Variants in NLRP9 observed in about 807,000 individuals in gnomAD.
NLRP9 encodes NACHT, LRR and PYD domains-containing protein 9.
A neutral mutation model predicts 83.1 loss-of-function variants in NLRP9; 88 were observed. The observed-to-expected ratio is 1.06, with a 90% CI of 0.89 to 1.26. NLRP9 has a LOEUF of 1.26. NLRP9 is among the 50% of genes most tolerant of loss of function. NLRP9 has a pLI of 0.00. For synonymous variants in NLRP9, 521 were observed against 447.6 expected (o/e 1.16, Z -2.07); for missense variants, 1,308 against 1,179.3 (o/e 1.11, Z -1.60).
intron 4 of NLRP9, among the ~76,000 whole-genome samples, chr19:55,720,326 C>T (rs1254060502): frequency 2.0e-5 from 3 of 152,028 alleles, no homozygotes; most frequent in Non-Finnish European, 4.4e-5. Context: ...GGCTTGGAAA[C>T]AATTATTTTC....
chr19:55,729,352 A>T lies in NLRP9; in HGVS notation c.1994+479T>A, dbSNP rs142346779. ...CTGCACCCATTAACTCGTCATTTAC[A>T]TTAGGTATATCTCCTAATGCTATCC... On this transcript the variant is annotated intron_variant, in intron 3 of 8. Coordinates refer to ENST00000332836, the MANE Select transcript of NLRP9 (RefSeq NM_176820.4). Among the ~76,000 whole-genome samples, 1,379 of 151,842 alleles carry T rather than the reference A, an allele frequency of 9.1e-3. 19 individuals carry two copies. The highest frequency in any genetic ancestry group is 0.031 in the African/African-American group (1,297 of 41,374).
At chr19:55,728,660 A>G (rs1988471987) in intron 3 of NLRP9, among the ~76,000 whole-genome samples, 1 of 152,248 alleles carries the variant, frequency 6.6e-6, no homozygotes, top group South Asian at 2.1e-4. Flanking sequence ...TTCTCGAGAC[A>G]GCAGTCTTAA....
intron 6 of NLRP9, among the ~76,000 whole-genome samples, chr19:55,712,798 G>A (rs569875947): frequency 7.5e-5 from 5 of 66,458 alleles, no homozygotes; most frequent in Admixed American, 3.6e-4. Context: ...GAGGGAAGAA[G>A]GGGAGAAAGA....
In NLRP9 at chr19:55,711,800, C is replaced by T. The variant is rs146135359; in HGVS notation, c.2843G>A (p.Gly948Glu). 4.3e-6 allele frequency: 7 copies of T among 1,612,796 alleles called. No homozygotes were observed. The African/African-American group carries it at 5.3e-5, about 12-fold the overall frequency. ...SHPDCALQML[G>E]LHKSGFDEET... is the part of the protein sequence containing the mutation. ...CCCAAAGGAAACAGTGTCCACTCAC[C>T]CCAGCATCTGCAGGGCACAGTCCGG... Residue 948 changes from glycine (G) to glutamate (E), a missense_variant and splice_region_variant, in exon 8 of 9, where the codon GGG becomes GAG. Gly to Glu is a moderately conservative substitution (Grantham distance 98). Transcript: ENST00000332836.
At chr19:55,736,291 T>C (rs1195123570) in intron 1 of NLRP9, among the ~76,000 whole-genome samples, 2 of 151,950 alleles carry the variant, frequency 1.3e-5, no homozygotes, top group Non-Finnish European at 2.9e-5. Flanking sequence ...CCTGGGAGGC[T>C]GAGGCAGGAG....
chr19:55,722,846 A>C (rs1988271702), intron 4 of NLRP9, among the ~76,000 whole-genome samples: 1 of 152,182 alleles, frequency 6.6e-6, no homozygotes, highest in Non-Finnish European at 1.5e-5. Flanking sequence ...TGTTCTTTGC[A>C]GGGACATGGA....
chr19:55,716,835 G>A lies in NLRP9; in HGVS notation c.2223C>T (p.Asn741=). The change falls in exon 5 of 9, where the codon AAC becomes AAT. Residue 741 remains asparagine (N), a synonymous_variant. Transcript: ENST00000332836. Reference sequence around the variant, plus strand: ...CCAAGGAGAGGTGTTTCAGCTTGCTGTTGCAGGCCAGGACGGAGGCGATGT... The same window carrying A: ...CCAAGGAGAGGTGTTTCAGCTTGCTATTGCAGGCCAGGACGGAGGCGATGT... ...CEDIASVLAC[N]SKLKHLSLVE... is the part of the protein sequence containing the mutation. The A allele has an allele frequency of 6.2e-7, 1 of 1,613,860 alleles. No individual in the cohort carries two copies. The highest frequency in any genetic ancestry group is 8.5e-7 in the Non-Finnish European group (1 of 1,179,888).
intron 4 of NLRP9, among the ~76,000 whole-genome samples, chr19:55,717,678 G>T (rs1988074281): frequency 6.6e-6 from 1 of 152,184 alleles, no homozygotes; most frequent in South Asian, 2.1e-4. Flanking sequence ...ACACGCTTCT[G>T]TGGCCGGAGA....
At chr19:55,722,752 G>A (rs111436183) in intron 4 of NLRP9, among the ~76,000 whole-genome samples, 3,199 of 152,192 alleles carry the variant, frequency 0.021, 44 homozygotes, top group Non-Finnish European at 0.032. Flanking sequence ...CAACCCAAAC[G>A]CCCATCAATG....
At chr19:55,728,513 G>T (rs530670233) in intron 3 of NLRP9, among the ~76,000 whole-genome samples, 1 of 151,820 alleles carries the variant, frequency 6.6e-6, no homozygotes, top group African/African-American at 2.4e-5. Flanking sequence ...TGGAGGTTGC[G>T]GTGAGCCGAG....
intron 7 of NLRP9, 150 bp from the exon 8 acceptor site, chr19:55,712,120 G>T (rs59900917): frequency 0.12 from 94,423 of 784,472 alleles, 6,577 homozygotes; most frequent in Middle Eastern, 0.16. Flanking sequence ...GCTCCTGGGG[G>T]ACGTATGTCT....
In NLRP9 at chr19:55,711,728, G is replaced by T. The variant is rs929450936; in HGVS notation, c.2843+72C>A. On this transcript the variant is annotated intron_variant, in intron 8 of 8. Transcript: ENST00000332836. Reference sequence around the variant, plus strand: ...TCCAGCCTGGCATCCATCATGTCGCGGTTGAGCAAATGGCCAATGAACTAA... The same window carrying T: ...TCCAGCCTGGCATCCATCATGTCGCTGTTGAGCAAATGGCCAATGAACTAA... The T allele has an allele frequency of 1.2e-5, 17 of 1,455,294 alleles. 1 individual carries two copies. The South Asian group carries it at 1.3e-4, about 11-fold the overall frequency. 90.1% of individuals were successfully genotyped at this position (1,455,294 alleles called of 1,614,324 possible).
intron 8 of NLRP9, 57 bp downstream of exon 8, chr19:55,711,743 C>T: frequency 3.9e-6 from 6 of 1,551,934 alleles, no homozygotes; most frequent in Non-Finnish European, 5.3e-6. Flanking sequence ...AGCAAATGGC[C>T]AATGAACTAA....
intron 4 of NLRP9, among the ~76,000 whole-genome samples, chr19:55,720,048 G>T (rs1008298029): frequency 3.3e-5 from 5 of 151,998 alleles, no homozygotes; most frequent in African/African-American, 1.2e-4. Flanking sequence ...CTGATGTGTG[G>T]GGGAAAAAAA....
chr19:55,734,104 T>G (rs986502926), intron 1 of NLRP9, among the ~76,000 whole-genome samples: 1 of 151,672 alleles, frequency 6.6e-6, no homozygotes, highest in Non-Finnish European at 1.5e-5. Context: ...TTTGTATTTT[T>G]AGTAGAGACG....
chr19:55,729,999 G>A lies in NLRP9; in HGVS notation c.1833-7C>T. 2 of 1,608,756 alleles carry A rather than the reference G, an allele frequency of 1.2e-6. No individual in the cohort carries two copies. Among genetic ancestry groups the A allele is most frequent in the Non-Finnish European group, 1.7e-6 (2 of 1,177,554 alleles). The stretch of plus-strand genomic sequence containing the variant: ...GACGAGCTTCTCATTGTAACTATGA[G>A]AGAACAAAGATTGTGATTCTCCAGT... On this transcript the variant is annotated splice_polypyrimidine_tract_variant and splice_region_variant and intron_variant, in intron 2 of 8. Coordinates refer to ENST00000332836, the MANE Select transcript of NLRP9 (RefSeq NM_176820.4).
intron 3 of NLRP9, among the ~76,000 whole-genome samples, chr19:55,727,054 A>G (rs1434411462): frequency 6.6e-6 from 1 of 152,272 alleles, no homozygotes; most frequent in Admixed American, 6.5e-5. Flanking sequence ...GGAGTTTGAG[A>G]CCAGCCCGGC....
At chr19:55,724,942 C>T (rs1600136762) in intron 3 of NLRP9, among the ~76,000 whole-genome samples, 1 of 151,790 alleles carries the variant, frequency 6.6e-6, no homozygotes, top group East Asian at 1.9e-4. Context: ...GCCTGTAATC[C>T]CAGGCACTCA....
chr19:55,736,852 CAAAA>C (rs10711945), intron 1 of NLRP9, among the ~76,000 whole-genome samples: 1 of 146,170 alleles, frequency 6.8e-6, no homozygotes, highest in Non-Finnish European at 1.5e-5. Flanking sequence ...AAAACAAAAA[CAAAA>C]AAAAAAACAA....
Sources: allele counts gnomAD v4.1 joint callset (sites outside exome capture counted in the v4.1 genomes callset), GRCh38; gene constraint gnomAD v4.1.1; transcripts MANE v1.5; gene names NCBI Gene and HGNC (gene_info 2026-07-23, HGNC 2026-07-21).